MAP4K3: variants seen among roughly 807,000 people sequenced by gnomAD.
The protein encoded by MAP4K3 is mitogen-activated protein kinase kinase kinase kinase 3, also known as MAPK/ERK kinase kinase kinase 3.
Under a neutral mutation model 143.5 loss-of-function variants are expected in MAP4K3, and 94 were observed. The ratio of observed to expected loss-of-function variants is 0.65; its 90% confidence interval spans 0.55 to 0.78. The LOEUF is 0.78. MAP4K3 is among the 30% of genes least tolerant of loss of function. The pLI is 0.00. For synonymous variants in MAP4K3, 416 were observed against 347.2 expected (o/e 1.20, Z -2.20); for missense variants, 1,077 against 1,068.1 (o/e 1.01, Z -0.12).
At chr2:39,348,062 TAA>T in intron 3 of MAP4K3, among the ~76,000 whole-genome samples, 1 of 152,208 alleles carries the variant, frequency 6.6e-6, no homozygotes, top group Admixed American at 6.5e-5. Flanking sequence ...TACATAAATC[TAA>T]AAGTTTCTAA....
intron 4 of MAP4K3, among the ~76,000 whole-genome samples, chr2:39,342,225 G>A (rs908529354): frequency 6.6e-6 from 1 of 151,682 alleles, no homozygotes; most frequent in East Asian, 1.9e-4. Flanking sequence ...TGCAACCTCC[G>A]CCTCCTAGGT....
chr2:39,337,853 G>A (rs1665019353), intron 4 of MAP4K3, among the ~76,000 whole-genome samples: 1 of 138,094 alleles, frequency 7.2e-6, no homozygotes, highest in African/African-American at 2.7e-5. Context: ...TCGACCTCCT[G>A]GGCTCAAGTG....
chr2:39,313,653 C>G (rs1321098414), intron 13 of MAP4K3, among the ~76,000 whole-genome samples: 1 of 152,128 alleles, frequency 6.6e-6, no homozygotes, highest in Non-Finnish European at 1.5e-5. Context: ...GCTGGGACTA[C>G]AGGCACACAC....
chr2:39,336,426 C>A (rs1011722438), intron 6 of MAP4K3, among the ~76,000 whole-genome samples: 1 of 126,168 alleles, frequency 7.9e-6, no homozygotes, highest in Non-Finnish European at 1.6e-5. Flanking sequence ...GAGCCGACAT[C>A]GTGCCACTGC....
intron 1 of MAP4K3, among the ~76,000 whole-genome samples, chr2:39,426,636 G>C (rs1043755986): frequency 1.3e-5 from 2 of 151,846 alleles, no homozygotes; most frequent in Admixed American, 1.3e-4. Context: ...GTGAATCTTG[G>C]AAAGGATGTA....
At chr2:39,347,287 G>C (rs1665319955) in intron 3 of MAP4K3, among the ~76,000 whole-genome samples, 1 of 152,122 alleles carries the variant, frequency 6.6e-6, no homozygotes, top group African/African-American at 2.4e-5. Context: ...GCGGTACTCA[G>C]CAATTTTTAA....
chr2:39,360,297 A>G (rs1290650670), intron 2 of MAP4K3, among the ~76,000 whole-genome samples: 1 of 152,166 alleles, frequency 6.6e-6, no homozygotes, highest in Non-Finnish European at 1.5e-5. Context: ...ATCTGACAGC[A>G]CCTCAGTCTG....
intron 13 of MAP4K3, among the ~76,000 whole-genome samples, chr2:39,313,907 G>T (rs1344538682): frequency 1.3e-5 from 2 of 152,198 alleles, no homozygotes; most frequent in African/African-American, 4.8e-5. Context: ...GAAATACTAT[G>T]CTATAAAGGG....
intron 1 of MAP4K3, among the ~76,000 whole-genome samples, chr2:39,394,722 G>A (rs771039004): frequency 3.9e-5 from 6 of 152,122 alleles, no homozygotes; most frequent in African/African-American, 1.2e-4. Flanking sequence ...ATGGAGAAAC[G>A]AAGAGGGCAA....
At chr2:39,269,465 C>T (rs73923836) in intron 26 of MAP4K3, among the ~76,000 whole-genome samples, 5,503 of 123,306 alleles carry the variant, frequency 0.045, 172 homozygotes, top group African/African-American at 0.09. Flanking sequence ...GATTTTTGCT[C>T]AGGTCTTTTT....
At chr2:39,289,293 G>T (rs1681931585) in intron 19 of MAP4K3, among the ~76,000 whole-genome samples, 1 of 152,112 alleles carries the variant, frequency 6.6e-6, no homozygotes. Context: ...TTACTTGCAT[G>T]AATCAGGATT....
chr2:39,333,497 G>C (rs1683748395), intron 7 of MAP4K3, 35 bp downstream of exon 7: 1 of 1,537,446 alleles, frequency 6.5e-7, no homozygotes, highest in Non-Finnish European at 9.0e-7. Context: ...TCTTAGAATA[G>C]ATTTGTGCAC....
At chr2:39,368,879 AAAC>A (rs1485298049) in intron 2 of MAP4K3, among the ~76,000 whole-genome samples, 1 of 152,136 alleles carries the variant, frequency 6.6e-6, no homozygotes, top group South Asian at 2.1e-4. Context: ...TCTAAAATCA[AAAC>A]AACAAACCTA....
chr2:39,291,742 AAGTGTGG>A (rs1352135240), intron 18 of MAP4K3, among the ~76,000 whole-genome samples: 1 of 151,892 alleles, frequency 6.6e-6, no homozygotes, highest in African/African-American at 2.4e-5. Context: ...GAAAATTAGG[AAGTGTGG>A]AGGTGCAGTC....
chr2:39,299,560 T>G (rs1682424104), intron 16 of MAP4K3, among the ~76,000 whole-genome samples, 183 bp downstream of exon 16: 1 of 152,118 alleles, frequency 6.6e-6, no homozygotes, highest in Admixed American at 6.5e-5. Flanking sequence ...ATGTTGATGC[T>G]TCCCATTAGG....
chr2:39,290,256 C>A (rs756943024), intron 19 of MAP4K3, 36 bp downstream of exon 19: 1 of 1,527,070 alleles, frequency 6.5e-7, no homozygotes, highest in Non-Finnish European at 8.9e-7. Flanking sequence ...AGAACAATAA[C>A]ACACATATAT....
intron 8 of MAP4K3, 66 bp downstream of exon 8, chr2:39,331,851 T>A (rs190692295): frequency 4.2e-4 from 456 of 1,084,900 alleles, no homozygotes; most frequent in Middle Eastern, 3.0e-3. Flanking sequence ...ACCAGTCTAT[T>A]TTTTAGAAAT....
intron 2 of MAP4K3, among the ~76,000 whole-genome samples, chr2:39,377,299 ACT>A (rs1360600749): frequency 1.4e-5 from 2 of 143,776 alleles, no homozygotes; most frequent in Non-Finnish European, 3.0e-5. Context: ...TCACCAATAA[ACT>A]CTTATTATCA....
chr2:39,273,350 A>G (rs1439120758), intron 24 of MAP4K3, among the ~76,000 whole-genome samples: 1 of 152,184 alleles, frequency 6.6e-6, no homozygotes, highest in African/African-American at 2.4e-5. Context: ...CTGAAGGAGG[A>G]CCCAGGAATC....
Sources: allele counts gnomAD v4.1 joint callset (sites outside exome capture counted in the v4.1 genomes callset), GRCh38; gene constraint gnomAD v4.1.1; transcripts MANE v1.5; gene names NCBI Gene and HGNC (gene_info 2026-07-23, HGNC 2026-07-21).